Variants in JAK2 observed in about 807,000 individuals in gnomAD.
The protein encoded by JAK2 is Janus kinase 2, also known as tyrosine-protein kinase JAK2.
A neutral mutation model predicts 139.3 loss-of-function variants in JAK2; 86 were observed. The ratio of observed to expected loss-of-function variants is 0.62; its 90% CI spans 0.52 to 0.74. The LOEUF (loss-of-function observed/expected upper bound fraction) is 0.74, where lower values mean the gene tolerates loss of function less well. JAK2 is among the 30% of genes least tolerant of loss of function. The probability of loss-of-function intolerance (pLI) is 0.00; values close to 1 mark genes in which losing one functional copy is unlikely to be tolerated. For missense variants in JAK2, 1,421 were observed against 1,360.3 expected, an observed-to-expected ratio of 1.04 and a Z score of -0.70; for synonymous variants, 490 against 437.7, an observed-to-expected ratio of 1.12 and a Z score of -1.49.
At chr9:5,110,964 T>TA in intron 22 of JAK2, 1 of 603,294 alleles carries the variant, frequency 1.7e-6, no homozygotes, top group Non-Finnish European at 3.1e-6. Context: ...AGGAGCTCAG[T>TA]AACCTGGACT....
intron 12 of JAK2, among the ~76,000 whole-genome samples, chr9:5,070,612 T>C (rs562798602): frequency 2.6e-5 from 4 of 152,244 alleles, no homozygotes; most frequent in Non-Finnish European, 4.4e-5. Flanking sequence ...GAGCAGGACT[T>C]GCTGTGTCAC....
At position 5,078,289 on chromosome 9, in the gene JAK2, G is replaced by A. The variant is rs2130589275; in HGVS notation, c.1993-17G>A. 2 of 1,603,660 alleles carry A rather than the reference G, an allele frequency of 1.2e-6. No individual in the cohort carries two copies. ...TGTGGACTGATATTTGAATATATGTGCGTTTAACTCTAATAGGAAGAAAAC... is the reference window on the plus strand; with the variant it reads ...TGTGGACTGATATTTGAATATATGTACGTTTAACTCTAATAGGAAGAAAAC... On this transcript the variant is annotated splice_polypyrimidine_tract_variant and intron_variant, in intron 15 of 24. Transcript: ENST00000381652.
intron 14 of JAK2, among the ~76,000 whole-genome samples, chr9:5,075,114 G>C (rs562616324): frequency 6.6e-6 from 1 of 152,032 alleles, no homozygotes; most frequent in Non-Finnish European, 1.5e-5. Flanking sequence ...AGAGAGGTGA[G>C]GAAGCTGCAG....
At chr9:5,111,127 T>G (rs1822474938) in intron 22 of JAK2, 2 of 1,151,038 alleles carry the variant, frequency 1.7e-6, no homozygotes, top group African/African-American at 1.5e-5. Context: ...TGACCCCAGC[T>G]GGACGTTCAG....
chr9:5,086,148 G>C (rs1009861929), intron 19 of JAK2: 1 of 363,378 alleles, frequency 2.8e-6, no homozygotes. Context: ...GCCCCGCAAG[G>C]CTCGGGGAGC....
At chr9:5,125,380 A>G (rs1274987438) in intron 23 of JAK2, among the ~76,000 whole-genome samples, 2 of 151,444 alleles carry the variant, frequency 1.3e-5, no homozygotes, top group Non-Finnish European at 3.0e-5. Context: ...TATGTTTTCT[A>G]ATTGCTGAGT....
intron 2 of JAK2, among the ~76,000 whole-genome samples, chr9:5,004,500 G>T (rs1821143450): frequency 6.6e-6 from 1 of 151,982 alleles, no homozygotes; most frequent in Non-Finnish European, 1.5e-5. Flanking sequence ...ATATTCTATT[G>T]TGTACATATG....
chr9:5,109,872 C>G (rs987984402), intron 22 of JAK2: 6 of 152,188 alleles, frequency 3.9e-5, no homozygotes, highest in Admixed American at 3.3e-4. Flanking sequence ...CACCAACAAA[C>G]TCTTTCAACT....
chr9:5,124,263 C>A (rs916199443), intron 23 of JAK2, among the ~76,000 whole-genome samples: 4 of 151,606 alleles, frequency 2.6e-5, no homozygotes, highest in Admixed American at 2.6e-4. Flanking sequence ...CTTTTGAGGT[C>A]TTTGCCATGA....
chr9:5,116,892 T>C (rs1823235680), intron 22 of JAK2, among the ~76,000 whole-genome samples: 1 of 152,228 alleles, frequency 6.6e-6, no homozygotes, highest in African/African-American at 2.4e-5. Context: ...AGTGCAATAA[T>C]TAAGGTACTG....
intron 9 of JAK2, 22 bp downstream of exon 9, chr9:5,065,062 G>A (rs374819488): frequency 4.8e-6 from 7 of 1,473,206 alleles, no homozygotes; most frequent in Non-Finnish European, 6.4e-6. Flanking sequence ...AGACTTAAAA[G>A]TAAATTTTTA....
At chr9:5,093,347 T>A (rs1166036744) in intron 22 of JAK2, among the ~76,000 whole-genome samples, 2 of 152,162 alleles carry the variant, frequency 1.3e-5, no homozygotes, top group African/African-American at 4.8e-5. Flanking sequence ...TGACATATGT[T>A]CAACGACCAC....
chr9:5,069,069 G>C lies in JAK2; in HGVS notation c.1374G>C (p.Glu458Asp), dbSNP rs745966628. 7 of 1,604,804 alleles carry C rather than the reference G, an allele frequency of 4.4e-6. No individual in the cohort carries two copies. In the Admixed American group the frequency reaches 1.2e-4, roughly 27 times the overall value. ...EYKHCLITKN[E>D]NEEYNLSGTK... ...AACACTGTTTGATTACAAAAAATGA[G>C]AATGAAGAGTACAACCTCAGTGGGA... The change falls in exon 11 of 25, where the codon GAG becomes GAC. Residue 458 changes from glutamate to aspartate, a missense_variant. Coordinates refer to ENST00000381652, the MANE Select transcript of JAK2 (RefSeq NM_004972.4).
intron 22 of JAK2, among the ~76,000 whole-genome samples, chr9:5,113,255 TAC>T (rs1564017550): frequency 8.1e-6 from 1 of 124,018 alleles, no homozygotes; most frequent in African/African-American, 3.0e-5. Context: ...CAACAAAACA[TAC>T]ACTTTGTCAG....
At chr9:5,113,225 A>T (rs1246727345) in intron 22 of JAK2, among the ~76,000 whole-genome samples, 3 of 137,218 alleles carry the variant, frequency 2.2e-5, no homozygotes, top group Non-Finnish European at 4.7e-5. Context: ...TTTTTCCAGT[A>T]AACAAAACCT....
chr9:5,043,699 G>A (rs1051722148), intron 4 of JAK2, among the ~76,000 whole-genome samples: 1 of 152,184 alleles, frequency 6.6e-6, no homozygotes, highest in Non-Finnish European at 1.5e-5. Context: ...AAACCCAAAT[G>A]TCTGTCAGGC....
At chr9:5,124,019 T>C (rs1190677101) in intron 23 of JAK2, among the ~76,000 whole-genome samples, 1 of 151,726 alleles carries the variant, frequency 6.6e-6, no homozygotes, top group African/African-American at 2.4e-5. Context: ...CTTTTGAAAA[T>C]GTCTATTGAT....
chr9:5,033,717 C>G (rs1470861602), intron 4 of JAK2, among the ~76,000 whole-genome samples: 2 of 152,144 alleles, frequency 1.3e-5, no homozygotes, highest in Non-Finnish European at 2.9e-5. Context: ...ACCAGGCCTG[C>G]CCTAAAAGAG....
Position 5,055,800 on chromosome 9 carries a change from T to C in JAK2, c.1056+12T>C. 6.2e-7 allele frequency: 1 copy of C among 1,604,354 alleles called. No individual in the cohort carries two copies. Among genetic ancestry groups the C allele is most frequent in the Non-Finnish European group, 8.5e-7 (1 of 1,173,682 alleles). The stretch of plus-strand genomic sequence containing the variant: ...ATGGTAAAAATCTGGTAAGTTTGCT[T>C]TATGATTGAATAATGGTTTCATTTT... On this transcript the variant is annotated intron_variant, in intron 8 of 24. Transcript: ENST00000381652.
Sources: gnomAD v4.1 joint callset for allele counts (sites outside exome capture counted in the v4.1 genomes callset) on GRCh38, gnomAD v4.1.1 for gene constraint, MANE v1.5 for transcripts, NCBI Gene and HGNC (gene_info 2026-07-23, HGNC 2026-07-21) for gene names.